TRPC6: variants seen among roughly 807,000 people sequenced by gnomAD.
TRPC6 encodes the protein transient receptor potential cation channel subfamily C member 6.
Under a neutral mutation model 90.7 loss-of-function variants are expected in TRPC6, and 55 were observed. The ratio of observed to expected loss-of-function variants is 0.61; its 90% CI spans 0.49 to 0.76. The LOEUF is 0.76. Ranked by LOEUF, TRPC6 falls within the 30% of genes least tolerant of loss-of-function variation. The pLI, the probability that TRPC6 is intolerant of heterozygous loss-of-function variation, is 0.00. For synonymous variants in TRPC6, 393 were observed against 393.0 expected (o/e 1.00, Z 0.00); for missense variants, 989 against 1,122.7 (o/e 0.88, Z 1.70).
chr11:101,463,081 C>A (rs1231266019), intron 10 of TRPC6, among the ~76,000 whole-genome samples: 4 of 152,120 alleles, frequency 2.6e-5, no homozygotes, highest in East Asian at 1.9e-4. Flanking sequence ...TGGTTTTTGT[C>A]ATTGGTTCTG....
Position 101,455,007 on chromosome 11 carries a change from T to C in TRPC6, c.2568+11A>G. ...GTAACTAGTTTTATTCCTTTAAAAA[T>C]CCATGCTTACCTGATATTGTCTTGG... On this transcript the variant is annotated intron_variant, in intron 11 of 12. Transcript: ENST00000344327. The C allele has an allele frequency of 1.9e-6, 3 of 1,603,834 alleles. No individual in the cohort carries two copies. Among genetic ancestry groups the C allele is most frequent in the Non-Finnish European group, 2.6e-6 (3 of 1,171,746 alleles).
At chr11:101,578,091 CTT>C (rs1271908892) in intron 1 of TRPC6, among the ~76,000 whole-genome samples, 1 of 152,106 alleles carries the variant, frequency 6.6e-6, no homozygotes, top group African/African-American at 2.4e-5. Flanking sequence ...TAAATGGTAC[CTT>C]CTCTCTGCTA....
chr11:101,478,825 T>A (rs1859477321), intron 5 of TRPC6, among the ~76,000 whole-genome samples: 1 of 152,178 alleles, frequency 6.6e-6, no homozygotes, highest in Non-Finnish European at 1.5e-5. Flanking sequence ...ATTTTTGCCC[T>A]CTAGACAGGT....
chr11:101,539,053 A>G (rs780703472), intron 1 of TRPC6, among the ~76,000 whole-genome samples: 2 of 152,214 alleles, frequency 1.3e-5, no homozygotes, highest in Non-Finnish European at 2.9e-5. Context: ...TGAGAAATAC[A>G]CGTATGTTGT....
chr11:101,530,404 G>T (rs1283721319), intron 1 of TRPC6, among the ~76,000 whole-genome samples: 2 of 152,134 alleles, frequency 1.3e-5, no homozygotes, highest in African/African-American at 4.8e-5. Flanking sequence ...TGCCTGTCCA[G>T]GAACCTGGCA....
At chr11:101,465,864 G>A (rs2136658633) in intron 10 of TRPC6, among the ~76,000 whole-genome samples, 1 of 152,294 alleles carries the variant, frequency 6.6e-6, no homozygotes, top group East Asian at 1.9e-4. Context: ...TGGAGGTGAA[G>A]AGGCATTCTG....
At chr11:101,494,156 T>C (rs1038118647) in intron 2 of TRPC6, among the ~76,000 whole-genome samples, 1 of 152,130 alleles carries the variant, frequency 6.6e-6, no homozygotes, top group Non-Finnish European at 1.5e-5. Context: ...ACTCTTAGAT[T>C]TGGAGGTACA....
At chr11:101,526,328 T>C (rs1860779066) in intron 1 of TRPC6, among the ~76,000 whole-genome samples, 1 of 152,204 alleles carries the variant, frequency 6.6e-6, no homozygotes, top group African/African-American at 2.4e-5. Context: ...ATGCTGAACA[T>C]TAAGTTAAAT....
intron 1 of TRPC6, among the ~76,000 whole-genome samples, chr11:101,558,235 G>GTATACA (rs1565243169): frequency 1.6e-4 from 13 of 82,250 alleles, no homozygotes; most frequent in African/African-American, 3.9e-4. Flanking sequence ...ACATGTATAT[G>GTATACA]GGTATACATG....
intron 1 of TRPC6, among the ~76,000 whole-genome samples, chr11:101,510,821 A>G (rs1860378998): frequency 6.6e-6 from 1 of 152,162 alleles, no homozygotes; most frequent in Non-Finnish European, 1.5e-5. Flanking sequence ...CAGCATGTGT[A>G]GTAATTCTCT....
chr11:101,518,741 A>C (rs1860579640), intron 1 of TRPC6, among the ~76,000 whole-genome samples: 1 of 152,236 alleles, frequency 6.6e-6, no homozygotes, highest in African/African-American at 2.4e-5. Flanking sequence ...CTGCACTCCC[A>C]TGTTTGTTGC....
Position 101,583,649 on chromosome 11 carries a change from G to T in TRPC6, c.-146C>A, listed in dbSNP as rs899140023. 12 of 856,226 alleles carry T rather than the reference G, an allele frequency of 1.4e-5. No individual in the cohort carries two copies. The African/African-American group carries it at 2.2e-4, about 15-fold the overall frequency. The allele number at this position is 856,226 out of a possible 1,614,324, so 53.0% of individuals were successfully genotyped here. A position where few individuals can be genotyped will look rare whatever the true frequency, so the allele number is the denominator to read the frequency against. On this transcript the variant is annotated 5_prime_UTR_variant, in exon 1 of 13. Coordinates refer to ENST00000344327, the MANE Select transcript of TRPC6 (RefSeq NM_004621.6). ...CCAGGGGACGACGGTGAAGCAGGGG[G>T]TGCAGACGCCCGCCGCAAGTGGCTC...
At position 101,569,750 on chromosome 11, in the gene TRPC6, A is replaced by G. The variant is rs540397502; in HGVS notation, c.170+13584T>C. 2.0e-5 allele frequency among the ~76,000 whole-genome samples: 3 copies of G among 152,308 alleles called. No homozygotes were observed. The South Asian group carries it at 6.2e-4, about 32-fold the overall frequency. ...CCACACAACTACATAGAAACTGAAC[A>G]ACCTGCTCCTGAATGACTACTGTGT... is the stretch of plus-strand genomic sequence containing the variant. On this transcript the variant is annotated intron_variant, in intron 1 of 12. Transcript: ENST00000344327.
chr11:101,581,364 T>G (rs895396511), intron 1 of TRPC6, among the ~76,000 whole-genome samples: 1 of 152,208 alleles, frequency 6.6e-6, no homozygotes, highest in Non-Finnish European at 1.5e-5. Flanking sequence ...AAGAAAGCAC[T>G]GGGAAGAGTT....
intron 1 of TRPC6, among the ~76,000 whole-genome samples, chr11:101,559,175 A>T (rs1861655344): frequency 1.3e-5 from 2 of 152,136 alleles, no homozygotes; most frequent in Non-Finnish European, 2.9e-5. Context: ...AAAACAAAAC[A>T]CAGATAATAA....
chr11:101,475,214 T>C (rs764390508), intron 6 of TRPC6, among the ~76,000 whole-genome samples: 29 of 152,206 alleles, frequency 1.9e-4, no homozygotes, highest in Non-Finnish European at 3.5e-4. Flanking sequence ...GTGTTATTGA[T>C]TGGGGAACCT....
intron 2 of TRPC6, among the ~76,000 whole-genome samples, chr11:101,496,792 T>C (rs1376644535): frequency 6.6e-6 from 1 of 152,204 alleles, no homozygotes; most frequent in Non-Finnish European, 1.5e-5. Flanking sequence ...CCTCCCTAAC[T>C]GTTGACTTGT....
Position 101,476,489 on chromosome 11 carries a change from T to C in TRPC6, c.1556A>G (p.Lys519Arg), listed in dbSNP as rs748832998. Residue 519 changes from lysine to arginine, a missense_variant, in exon 6 of 13, where the codon AAG (lysine) becomes AGG (arginine). By Grantham distance (26) the Lys-to-Arg change is conservative (BLOSUM62 2). Around this residue, in one of 4 missense-constraint regions of TRPC6, gnomAD observed 486 missense variants for 591.9 expected, o/e 0.82. Transcript: ENST00000344327. ...ECKEIWTQGP[K>R]EYLFELWNML... The stretch of plus-strand genomic sequence containing the variant: ...GTTCCACAACTCAAACAAATATTCC[T>C]TGGGGCCCTGAGTCCAGATTTCTTT... 9 of 1,614,002 alleles carry C rather than the reference T, an allele frequency of 5.6e-6. No individual in the cohort carries two copies. Among genetic ancestry groups the C allele is most frequent in the Non-Finnish European group, 4.2e-6 (5 of 1,180,002 alleles).
At chr11:101,537,668 A>C (rs950955888) in intron 1 of TRPC6, among the ~76,000 whole-genome samples, 1 of 152,078 alleles carries the variant, frequency 6.6e-6, no homozygotes, top group African/African-American at 2.4e-5. Context: ...CTTGAATGTC[A>C]GTTTGCTGAA....
Sources: allele counts gnomAD v4.1 joint callset (sites outside exome capture counted in the v4.1 genomes callset), GRCh38; gene constraint gnomAD v4.1.1; regional missense constraint gnomAD v4.1.1; transcripts MANE v1.5; gene names NCBI Gene and HGNC (gene_info 2026-07-23, HGNC 2026-07-21).